The following ALG14 variants were observed in gnomAD, a reference collection of about 807,000 sequenced individuals.
The protein encoded by ALG14 is ALG14 UDP-N-acetylglucosaminyltransferase subunit, also known as UDP-N-acetylglucosamine transferase subunit ALG14.
ALG14 carries 17 observed loss-of-function variants against 22.8 expected under a neutral mutation model. The ratio of observed to expected loss-of-function variants is 0.75; its 90% CI spans 0.51 to 1.12. ALG14 has a LOEUF of 1.12. Ranked by LOEUF, ALG14 falls within the 50% of genes most tolerant of loss-of-function variation. The probability of loss-of-function intolerance (pLI) is 0.00; values close to 1 mark genes in which losing one functional copy is unlikely to be tolerated. For synonymous variants in ALG14, 89 were observed against 103.7 expected, an observed-to-expected ratio of 0.86 and a Z score of 0.86; for missense variants, 288 against 271.8, an observed-to-expected ratio of 1.06 and a Z score of -0.42.
intron 3 of ALG14, among the ~76,000 whole-genome samples, chr1:94,989,979 C>T (rs2100718909): frequency 6.6e-6 from 1 of 152,242 alleles, no homozygotes; most frequent in Non-Finnish European, 1.5e-5. Flanking sequence ...GGACCATGGG[C>T]ATAGGAGTCA....
intron 3 of ALG14, among the ~76,000 whole-genome samples, chr1:95,005,255 C>T (rs7527765): frequency 0.081 from 12,301 of 152,240 alleles, 530 homozygotes; most frequent in Middle Eastern, 0.1. Context: ...GGGCTTGACA[C>T]ATCCATGGAA....
chr1:95,039,516 G>A (rs766617154), intron 2 of ALG14, among the ~76,000 whole-genome samples: 19 of 152,106 alleles, frequency 1.2e-4, no homozygotes, highest in African/African-American at 3.9e-4. Flanking sequence ...TAGGGTGAAC[G>A]GTACTGTCAT....
At chr1:95,004,488 C>T (rs1485748583) in intron 3 of ALG14, among the ~76,000 whole-genome samples, 1 of 151,890 alleles carries the variant, frequency 6.6e-6, no homozygotes, top group Non-Finnish European at 1.5e-5. Flanking sequence ...TCCCAAAATG[C>T]TGGGATTACA....
At chr1:95,022,330 A>C (rs1456479876) in intron 3 of ALG14, 1 of 985,344 alleles carries the variant, frequency 1.0e-6, no homozygotes, top group African/African-American at 1.7e-5. Context: ...TCACTCAGCC[A>C]ATGTGTCAGT....
chr1:94,976,112 G>A lies in ALG14; in HGVS notation c.*6964C>T, dbSNP rs970291567. 1 of 151,860 alleles carries A rather than the reference G, an allele frequency of 6.6e-6. No individual in the cohort carries two copies. Among genetic ancestry groups the A allele is most frequent in the African/African-American group, 2.4e-5 (1 of 41,312 alleles). 9.4% of individuals were successfully genotyped at this position (151,860 alleles called of 1,614,324 possible). On this transcript the variant is annotated 3_prime_UTR_variant, in exon 4 of 4. Coordinates refer to ENST00000370205, the MANE Select transcript of ALG14 (RefSeq NM_144988.4). ...GACAAATGTGACTGAGGGCTTGAGGGCTTACTATTTAGCAGGCTCTGTGCT... is the reference window on the plus strand; with the variant it reads ...GACAAATGTGACTGAGGGCTTGAGGACTTACTATTTAGCAGGCTCTGTGCT...
At position 94,980,664 on chromosome 1, in the gene ALG14, C is replaced by T. The variant is rs951145655; in HGVS notation, c.*2412G>A. 1 of 152,122 alleles carries T rather than the reference C, an allele frequency of 6.6e-6. No homozygotes were observed. Among genetic ancestry groups the T allele is most frequent in the African/African-American group, 2.4e-5 (1 of 41,438 alleles). The allele number at this position is 152,122 out of a possible 1,614,324, so 9.4% of individuals were successfully genotyped here. A position where few individuals can be genotyped will look rare whatever the true frequency, so the allele number is the denominator to read the frequency against. The stretch of plus-strand genomic sequence containing the variant: ...ATGGGACCTTGAGGACTCAAATTAG[C>T]CATAACAGTAACACACAGCAGAGCA... On this transcript the variant is annotated 3_prime_UTR_variant, in exon 4 of 4. Coordinates refer to ENST00000370205, the MANE Select transcript of ALG14 (RefSeq NM_144988.4).
At chr1:94,998,604 G>A (rs1317295488) in intron 3 of ALG14, among the ~76,000 whole-genome samples, 1 of 152,180 alleles carries the variant, frequency 6.6e-6, no homozygotes, top group Non-Finnish European at 1.5e-5. Context: ...GTTACAACCT[G>A]AGCAGAAGGG....
intron 2 of ALG14, among the ~76,000 whole-genome samples, chr1:95,055,565 G>A (rs1674895469): frequency 6.6e-6 from 1 of 151,960 alleles, no homozygotes; most frequent in Admixed American, 6.6e-5. Flanking sequence ...TTCTGGATAG[G>A]AAGACATCAT....
chr1:95,002,717 C>T (rs981151805), intron 3 of ALG14, among the ~76,000 whole-genome samples: 6 of 152,158 alleles, frequency 3.9e-5, no homozygotes, highest in African/African-American at 9.7e-5. Flanking sequence ...ATTAAAGCAA[C>T]GATAGTATCT....
intron 2 of ALG14, among the ~76,000 whole-genome samples, chr1:95,040,676 T>C (rs1006830056): frequency 6.6e-6 from 1 of 152,208 alleles, no homozygotes; most frequent in Non-Finnish European, 1.5e-5. Context: ...AAATTGTATG[T>C]TTGTACTCAA....
At chr1:94,988,023 A>ACAC (rs2100716309) in intron 3 of ALG14, among the ~76,000 whole-genome samples, 1 of 152,282 alleles carries the variant, frequency 6.6e-6, no homozygotes, top group South Asian at 2.1e-4. Flanking sequence ...GCTGCAGGGA[A>ACAC]AGCTTTATTG....
chr1:94,975,963 G>C lies in ALG14; in HGVS notation c.*7113C>G, dbSNP rs1407916272. On this transcript the variant is annotated 3_prime_UTR_variant, in exon 4 of 4. Coordinates refer to ENST00000370205, the MANE Select transcript of ALG14 (RefSeq NM_144988.4). ...ACCCAGGAGGCGGAGCTTGCAGTGA[G>C]CCGAGATCGCGCCACTGCACTTCAG... 6.9e-6 allele frequency: 1 copy of C among 144,690 alleles called. No individual in the cohort carries two copies. Among genetic ancestry groups the C allele is most frequent in the Admixed American group, 7.0e-5 (1 of 14,192 alleles). The allele number at this position is 144,690 out of a possible 1,614,324, so 9.0% of individuals were successfully genotyped here.
chr1:95,023,170 C>T (rs1402036360), intron 3 of ALG14, among the ~76,000 whole-genome samples: 21 of 152,194 alleles, frequency 1.4e-4, no homozygotes, highest in African/African-American at 4.6e-4. Context: ...ACTCTATCCC[C>T]CAGGCTGGGG....
chr1:95,064,748 G>T, intron 2 of ALG14, 118 bp downstream of exon 2: 1 of 792,706 alleles, frequency 1.3e-6, no homozygotes, highest in Non-Finnish European at 1.9e-6. Context: ...TTCATCACCA[G>T]CAAACATTTG....
intron 2 of ALG14, among the ~76,000 whole-genome samples, chr1:95,035,500 T>C (rs1674157217): frequency 6.6e-6 from 1 of 152,150 alleles, no homozygotes; most frequent in Admixed American, 6.5e-5. Flanking sequence ...TAATCAAATA[T>C]ATGGTGGCAA....
intron 3 of ALG14, among the ~76,000 whole-genome samples, chr1:95,011,139 G>GTGAC (rs1377506878): frequency 6.6e-6 from 1 of 152,172 alleles, no homozygotes; most frequent in Non-Finnish European, 1.5e-5. Context: ...CTGAATATCT[G>GTGAC]TGACCTTCCA....
intron 1 of ALG14, among the ~76,000 whole-genome samples, chr1:95,066,336 G>C (rs1337364253): frequency 2.0e-5 from 3 of 151,936 alleles, no homozygotes; most frequent in Non-Finnish European, 4.4e-5. Context: ...CGACTCTCCT[G>C]CCTCAGCCTC....
chr1:95,068,363 G>T lies in ALG14; in HGVS notation c.137-3346C>A, dbSNP rs573764544. On this transcript the variant is annotated intron_variant, in intron 1 of 3. Transcript: ENST00000370205. ...TTGCCCAGGCGTGATCTCGGCTCAC[G>T]GCAACCTCTGCCTCCTGGGTTCAAG... Among the ~76,000 whole-genome samples, 29 of 152,116 alleles carry T rather than the reference G, an allele frequency of 1.9e-4. No homozygotes were observed. In the South Asian group the frequency reaches 4.6e-3, roughly 24 times the overall value.
Position 95,010,123 on chromosome 1 carries a change from T to A in ALG14, c.420+17006A>T, listed in dbSNP as rs576115769. Among the ~76,000 whole-genome samples, 444 of 152,322 alleles carry A rather than the reference T, an allele frequency of 2.9e-3. 3 individuals carry two copies. The highest frequency in any genetic ancestry group is 0.01 in the African/African-American group (416 of 41,572). ...GACTTTTTATAGTTAGTGCCTCTAA[T>A]AAACAATTCTCTCATGTCCCCTCAT... On this transcript the variant is annotated intron_variant, in intron 3 of 3. Coordinates refer to ENST00000370205, the MANE Select transcript of ALG14 (RefSeq NM_144988.4).
Sources: gnomAD v4.1 joint callset for allele counts (sites outside exome capture counted in the v4.1 genomes callset) on GRCh38, gnomAD v4.1.1 for gene constraint, MANE v1.5 for transcripts, NCBI Gene and HGNC (gene_info 2026-07-23, HGNC 2026-07-21) for gene names.